Variants in ESR1 observed in about 807,000 individuals in gnomAD.
The protein encoded by ESR1 is estrogen receptor.
A neutral mutation model predicts 52.7 loss-of-function variants in ESR1; 12 were observed. The observed-to-expected ratio is 0.23, with a 90% CI of 0.15 to 0.37. The LOEUF is 0.37. Ranked by LOEUF, ESR1 falls within the 10% of genes least tolerant of loss-of-function variation. The probability of loss-of-function intolerance (pLI) is 1.00; values close to 1 mark genes in which losing one functional copy is unlikely to be tolerated. For synonymous variants in ESR1, 305 were observed against 316.8 expected (o/e 0.96, Z 0.39); for missense variants, 584 against 779.7 (o/e 0.75, Z 2.99).
At chr6:151,843,104 C>T (rs7774230) in intron 2 of ESR1, among the ~76,000 whole-genome samples, 70,465 of 151,990 alleles carry the variant, frequency 0.46, 16,668 homozygotes, top group African/African-American at 0.53. Flanking sequence ...TGTGCCCTGA[C>T]TGGGGAATGC....
chr6:151,768,321 C>A lies in ESR1; in HGVS notation c.-70-39522C>A, dbSNP rs542932169. Among the ~76,000 whole-genome samples, 9 of 152,186 alleles carry A rather than the reference C, an allele frequency of 5.9e-5. No homozygotes were observed. The South Asian group carries it at 1.0e-3, about 18-fold the overall frequency. On this transcript the variant is annotated intron_variant, in intron 2 of 2. Coordinates refer to the ESR1 transcript ENST00000404742. ...TGATGTTCCTGCCAAAAATCCATAA[C>A]CTGAAAGAAGCATCACAAAATCCCC...
chr6:152,040,193 G>A (rs2045668116), intron 5 of ESR1, among the ~76,000 whole-genome samples: 1 of 152,180 alleles, frequency 6.6e-6, no homozygotes, highest in South Asian at 2.1e-4. Context: ...GCACTCAGTT[G>A]TGGCTGTAGC....
intron 1 of ESR1, among the ~76,000 whole-genome samples, chr6:151,827,362 AAAAG>A (rs1185058626): frequency 6.6e-6 from 1 of 151,134 alleles, no homozygotes; most frequent in Non-Finnish European, 1.5e-5. Flanking sequence ...AAAAAAAAGA[AAAAG>A]AAAAAAGAAA....
Position 151,874,255 on chromosome 6 carries a change from C to T in ESR1, c.644-6400C>T, listed in dbSNP as rs561154168. ...CCTTTTAATCTAACCTTATGAAAGT[C>T]TCCTTGACTTTAATTTTTTTTCAGA... On this transcript the variant is annotated intron_variant, in intron 2 of 7. Transcript: ENST00000206249. 3.0e-4 allele frequency among the ~76,000 whole-genome samples: 45 copies of T among 152,240 alleles called. 1 individual carries two copies. In the South Asian group the frequency reaches 9.1e-3, roughly 31 times the overall value.
At chr6:151,785,903 T>G (rs1786976935) in intron 2 of ESR1, among the ~76,000 whole-genome samples, 1 of 152,180 alleles carries the variant, frequency 6.6e-6, no homozygotes, top group South Asian at 2.1e-4. Context: ...GGTTAATTAT[T>G]CCTCTATTCA....
chr6:151,802,062 T>A (rs778942622), upstream of ESR1, among the ~76,000 whole-genome samples: 3 of 152,208 alleles, frequency 2.0e-5, no homozygotes, highest in Non-Finnish European at 4.4e-5. Context: ...ACTCTATACT[T>A]TCATTGGGAT....
At chr6:151,828,414 C>G (rs1233967911) in intron 1 of ESR1, among the ~76,000 whole-genome samples, 1 of 152,042 alleles carries the variant, frequency 6.6e-6, no homozygotes, top group East Asian at 1.9e-4. Context: ...CAGAGTGAAG[C>G]TGAGTCAATA....
chr6:152,037,249 T>G (rs987592914), intron 5 of ESR1, among the ~76,000 whole-genome samples: 13 of 152,014 alleles, frequency 8.6e-5, no homozygotes, highest in Non-Finnish European at 1.6e-4. Context: ...AGAGTGAGCA[T>G]GCAAAAGAGA....
At chr6:151,862,569 G>A (rs1789078851) in intron 2 of ESR1, among the ~76,000 whole-genome samples, 1 of 152,178 alleles carries the variant, frequency 6.6e-6, no homozygotes, top group South Asian at 2.1e-4. Context: ...AGGACTAAAG[G>A]TTTGGGTGAG....
At chr6:152,096,205 G>C (rs544624836) in intron 7 of ESR1, among the ~76,000 whole-genome samples, 2 of 152,300 alleles carry the variant, frequency 1.3e-5, no homozygotes, top group African/African-American at 4.8e-5. Context: ...AAAAGGACAG[G>C]TACTCATGGG....
intron 2 of ESR1, among the ~76,000 whole-genome samples, chr6:151,871,942 A>G (rs140365726): frequency 5.9e-5 from 9 of 152,214 alleles, no homozygotes; most frequent in Admixed American, 4.6e-4. Context: ...ATAATACTCC[A>G]CTGTATGGAT....
At chr6:152,031,602 C>A (rs2044712887) in intron 5 of ESR1, among the ~76,000 whole-genome samples, 1 of 152,186 alleles carries the variant, frequency 6.6e-6, no homozygotes. Flanking sequence ...GAAGCTGAAT[C>A]TCTGAATAGA....
At chr6:152,024,668 T>C (rs1472349647) in intron 5 of ESR1, among the ~76,000 whole-genome samples, 1 of 147,740 alleles carries the variant, frequency 6.8e-6, no homozygotes, top group Non-Finnish European at 1.5e-5. Flanking sequence ...TATATATGTA[T>C]ATAAAAATAT....
chr6:151,738,023 T>G (rs1689081424), intron 2 of ESR1, among the ~76,000 whole-genome samples: 1 of 152,206 alleles, frequency 6.6e-6, no homozygotes, highest in Non-Finnish European at 1.5e-5. Flanking sequence ...GATTTGTAAG[T>G]CTTTGCTGTG....
intron 6 of ESR1, among the ~76,000 whole-genome samples, chr6:152,083,293 G>A (rs571983189): frequency 6.6e-6 from 1 of 152,114 alleles, no homozygotes. Context: ...CAGAACAGAG[G>A]CCTCAGAAAT....
intron 5 of ESR1, among the ~76,000 whole-genome samples, chr6:152,014,971 G>A (rs2043058458): frequency 6.6e-6 from 1 of 152,126 alleles, no homozygotes; most frequent in South Asian, 2.1e-4. Context: ...AGAGGCTGAG[G>A]CAGGAGAATC....
At chr6:151,899,789 T>A (rs1302786765) in intron 3 of ESR1, among the ~76,000 whole-genome samples, 2 of 145,552 alleles carry the variant, frequency 1.4e-5, no homozygotes, top group African/African-American at 5.2e-5. Context: ...TCCCCACATC[T>A]CAGACGATGG....
chr6:152,079,810 G>A (rs949602237), intron 6 of ESR1, among the ~76,000 whole-genome samples: 1 of 152,192 alleles, frequency 6.6e-6, no homozygotes, highest in Admixed American at 6.5e-5. Flanking sequence ...ACCTGATGGA[G>A]CTGAAAACCA....
In ESR1 at chr6:151,827,990, C is replaced by T. The variant is rs573100328; in HGVS notation, c.453-14607C>T. ...TCTTATTTTCAAATGAGGAAAATGACGCAGAATTATTTACATATTATGTAA... is the reference window on the plus strand; with the variant it reads ...TCTTATTTTCAAATGAGGAAAATGATGCAGAATTATTTACATATTATGTAA... On this transcript the variant is annotated intron_variant, in intron 1 of 7. Transcript: ENST00000206249. 6.6e-4 allele frequency among the ~76,000 whole-genome samples: 101 copies of T among 152,236 alleles called. 1 individual carries two copies. The highest frequency in any genetic ancestry group is 1.9e-3 in the African/African-American group (77 of 41,542).
Sources: allele counts gnomAD v4.1 joint callset (sites outside exome capture counted in the v4.1 genomes callset), GRCh38; gene constraint gnomAD v4.1.1; transcripts MANE v1.5; gene names NCBI Gene and HGNC (gene_info 2026-07-23, HGNC 2026-07-21).